B4GALNT3: variants seen among roughly 807,000 people sequenced by gnomAD.
B4GALNT3 encodes beta-1,4-N-acetyl-galactosaminyltransferase 3.
In B4GALNT3, 86 loss-of-function variants were observed where a neutral mutation model predicts 120.2. The observed-to-expected ratio is 0.72, with a 90% confidence interval of 0.60 to 0.86. B4GALNT3 has a LOEUF of 0.86. Among genes scored for constraint, B4GALNT3 ranks in the 40% least tolerant of loss-of-function variants. The probability of loss-of-function intolerance (pLI) is 0.00; values close to 1 mark genes in which losing one functional copy is unlikely to be tolerated. For synonymous variants in B4GALNT3, 518 were observed against 510.4 expected (o/e 1.01, Z -0.20); for missense variants, 1,167 against 1,298.9 (o/e 0.90, Z 1.56).
intron 14 of B4GALNT3, among the ~76,000 whole-genome samples, chr12:554,658 C>T (rs182401537): frequency 5.8e-4 from 87 of 150,492 alleles, no homozygotes; most frequent in African/African-American, 1.9e-3. Flanking sequence ...GGCATAGTGG[C>T]GGGCGCCTGT....
At chr12:509,330 A>G (rs10849142) in intron 1 of B4GALNT3, among the ~76,000 whole-genome samples, 20,017 of 152,216 alleles carry the variant, frequency 0.13, 2,025 homozygotes, top group Admixed American at 0.28. Context: ...GCCTGGAGCC[A>G]CTGTGCTTTA....
At chr12:527,895 TG>T (rs1238550485) in intron 1 of B4GALNT3, among the ~76,000 whole-genome samples, 3 of 125,662 alleles carry the variant, frequency 2.4e-5, no homozygotes, top group African/African-American at 7.9e-5. Context: ...GTTAGTCAAA[TG>T]AGAGATAATA....
intron 1 of B4GALNT3, among the ~76,000 whole-genome samples, chr12:462,181 A>G (rs1946028543): frequency 6.6e-6 from 1 of 152,052 alleles, no homozygotes; most frequent in Non-Finnish European, 1.5e-5. Flanking sequence ...GCCCAAATGG[A>G]TGAGCTCCTT....
chr12:546,525 C>T (rs1429132659), intron 6 of B4GALNT3, 121 bp from the exon 7 acceptor site: 5 of 891,198 alleles, frequency 5.6e-6, no homozygotes, highest in Admixed American at 2.1e-5. Context: ...ACCTTCATTC[C>T]GCCCGTCTTC....
chr12:515,208 A>G (rs1946640243), intron 1 of B4GALNT3, among the ~76,000 whole-genome samples: 2 of 151,964 alleles, frequency 1.3e-5, no homozygotes, highest in South Asian at 2.1e-4. Flanking sequence ...TTGTTTTTTG[A>G]GACAGTCTCA....
chr12:535,751 G>A (rs1220375350), intron 2 of B4GALNT3, among the ~76,000 whole-genome samples: 2 of 152,106 alleles, frequency 1.3e-5, no homozygotes, highest in Non-Finnish European at 1.5e-5. Context: ...CCCTAAGGAG[G>A]CAGATTAGAG....
chr12:511,311 TCCGCCTTCTG>T (rs879513378), intron 1 of B4GALNT3, among the ~76,000 whole-genome samples: 5 of 114,394 alleles, frequency 4.4e-5, no homozygotes, highest in East Asian at 2.4e-4. Context: ...CCTTCCACCT[TCCGCCTTCTG>T]CCTTCCACCT....
chr12:489,193 G>C (rs1179110155), intron 1 of B4GALNT3, among the ~76,000 whole-genome samples: 1 of 151,634 alleles, frequency 6.6e-6, no homozygotes, highest in African/African-American at 2.4e-5. Flanking sequence ...AGGGGAGGGA[G>C]AGCATTAGGA....
chr12:543,192 A>C, intron 3 of B4GALNT3: 1 of 1,289,482 alleles, frequency 7.8e-7, no homozygotes, highest in South Asian at 1.2e-5. Context: ...CCATGGGGTG[A>C]ACATCAGCAC....
chr12:462,708 G>T (rs1026111162), intron 1 of B4GALNT3, among the ~76,000 whole-genome samples: 1 of 151,862 alleles, frequency 6.6e-6, no homozygotes, highest in Non-Finnish European at 1.5e-5. Context: ...TATTGTGCAG[G>T]GTGTCTTTTT....
chr12:460,586 C>A lies in B4GALNT3; in HGVS notation c.169+41C>A. On this transcript the variant is annotated intron_variant, in intron 1 of 19. Transcript: ENST00000266383. This position sits in a 1 kb window ranked among gnomAD's most constrained non-coding sequence, Gnocchi z 8.0. ...GGGAGGCGAAGGGCGCGGGGGTGGG[C>A]GGCGGCGGCGGCTCCTGCGTTGGGG... is the stretch of plus-strand genomic sequence containing the variant. The A allele has an allele frequency of 7.8e-6, 10 of 1,286,576 alleles. No individual in the cohort carries two copies. The highest frequency in any genetic ancestry group is 1.0e-5 in the Non-Finnish European group (10 of 1,002,522). 79.7% of individuals were successfully genotyped at this position (1,286,576 alleles called of 1,614,324 possible).
rs1323203281 is a variant in B4GALNT3, at chr12:460,516, C to T, written c.140C>T (p.Ala47Val). ...WTLYLELVAS[A>V]QVGGNPLNRR... ...CTGTATCTGGAACTGGTGGCGTCGGCCCAGGTCGGCGGGAACCCCCTGAAC... is the reference window on the plus strand; with the variant it reads ...CTGTATCTGGAACTGGTGGCGTCGGTCCAGGTCGGCGGGAACCCCCTGAAC... The change falls in exon 1 of 20, where the codon GCC becomes GTC. Residue 47 changes from alanine to valine, a missense_variant. By Grantham distance (64) the Ala-to-Val change is moderately conservative. Coordinates refer to ENST00000266383, the MANE Select transcript of B4GALNT3 (RefSeq NM_173593.4). The surrounding 1 kb of genome is among the most constrained non-coding windows in gnomAD (Gnocchi z 8.0). 1 of 1,557,396 alleles carries T rather than the reference C, an allele frequency of 6.4e-7. No individual in the cohort carries two copies. The highest frequency in any genetic ancestry group is 8.7e-7 in the Non-Finnish European group (1 of 1,150,242).
intron 1 of B4GALNT3, among the ~76,000 whole-genome samples, chr12:532,035 G>A (rs1946813482): frequency 6.6e-6 from 1 of 151,678 alleles, no homozygotes; most frequent in Admixed American, 6.6e-5. Context: ...CAAACTCCTG[G>A]GCTCAAGTGA....
chr12:550,589 A>G lies in B4GALNT3; in HGVS notation c.998-333A>G, dbSNP rs935520818. Among the ~76,000 whole-genome samples the G allele has an allele frequency of 6.6e-6, 1 of 152,206 alleles. No homozygotes were observed. The highest frequency in any genetic ancestry group is 1.5e-5 in the Non-Finnish European group (1 of 68,032). ...AAGGGGATGTTCAGCCCATGGTAGG[A>G]AATCCAGTTATCGGTACTGTACGAG... is the stretch of plus-strand genomic sequence containing the variant. On this transcript the variant is annotated intron_variant, in intron 10 of 19. Coordinates refer to ENST00000266383, the MANE Select transcript of B4GALNT3 (RefSeq NM_173593.4). This position sits in a 1 kb window ranked among gnomAD's most constrained non-coding sequence, Gnocchi z 4.1.
In B4GALNT3 at chr12:534,587, T is replaced by G. The variant is rs1474893467; in HGVS notation, c.170-579T>G. 2.0e-5 allele frequency among the ~76,000 whole-genome samples: 3 copies of G among 152,152 alleles called. No individual in the cohort carries two copies. In the East Asian group the frequency reaches 5.8e-4, roughly 29 times the overall value. On this transcript the variant is annotated intron_variant, in intron 1 of 19. Coordinates refer to ENST00000266383, the MANE Select transcript of B4GALNT3 (RefSeq NM_173593.4). ...GCGTCAGCCACACGCAGCCTCCCGG[T>G]GACTCCAGTAATAGCAGGGCCTCTG...
chr12:545,658 T>C (rs1396527816), intron 6 of B4GALNT3, among the ~76,000 whole-genome samples, 189 bp downstream of exon 6: 1 of 124,262 alleles, frequency 8.0e-6, no homozygotes, highest in Non-Finnish European at 1.7e-5. Context: ...GAGTGAGGAG[T>C]GGGGAGGAGC....
Position 557,712 on chromosome 12 carries a change from A to C in B4GALNT3, c.2485A>C (p.Ser829Arg). 1 of 1,606,176 alleles carries C rather than the reference A, an allele frequency of 6.2e-7. No individual in the cohort carries two copies. Residue 829 changes from serine to arginine, a missense_variant, in exon 16 of 20, where the codon AGT (serine) becomes CGT (arginine). Transcript: ENST00000266383. ...HFNIVITDYS[S>R]EDMDVEMALK... ...CAACATCGTCATCACTGACTATAGC[A>C]GTGAGGACATGGATGTTGAGATGGC...
chr12:525,929 G>A (rs942898408), intron 1 of B4GALNT3, among the ~76,000 whole-genome samples: 6 of 152,182 alleles, frequency 3.9e-5, no homozygotes, highest in Admixed American at 2.0e-4. Flanking sequence ...CCCGGAAAAC[G>A]TGTGCAGAAC....
intron 1 of B4GALNT3, among the ~76,000 whole-genome samples, chr12:487,574 G>A (rs539373452): frequency 8.5e-5 from 13 of 152,224 alleles, no homozygotes; most frequent in African/African-American, 3.1e-4. Flanking sequence ...CTAGCCCGGT[G>A]TAGTGGCGCA....
Sources: allele counts gnomAD v4.1 joint callset (sites outside exome capture counted in the v4.1 genomes callset), GRCh38; gene constraint gnomAD v4.1.1; non-coding constraint Gnocchi (gnomAD v3.1); transcripts MANE v1.5; gene names NCBI Gene and HGNC (gene_info 2026-07-23, HGNC 2026-07-21).